The following CTNNA3 variants were observed in gnomAD, a reference collection of about 807,000 sequenced individuals.
CTNNA3 encodes the protein catenin alpha-3.
A neutral mutation model predicts 95.7 loss-of-function variants in CTNNA3; 76 were observed. The observed-to-expected ratio is 0.79, with a 90% CI of 0.66 to 0.96. The LOEUF is 0.96. Ranked by LOEUF, CTNNA3 falls within the 40% of genes least tolerant of loss-of-function variation. The probability of loss-of-function intolerance (pLI) is 0.00; values close to 1 mark genes in which losing one functional copy is unlikely to be tolerated. For synonymous variants in CTNNA3, 431 were observed against 374.4 expected (o/e 1.15, Z -1.74); for missense variants, 1,191 against 1,089.8 (o/e 1.09, Z -1.31).
intron 13 of CTNNA3, among the ~76,000 whole-genome samples, chr10:66,229,563 G>T (rs2089482785): frequency 6.6e-6 from 1 of 151,618 alleles, no homozygotes; most frequent in South Asian, 2.1e-4. Context: ...TTCTCTCTTG[G>T]CCTGTAAGGT....
rs113466077 is a variant in CTNNA3, at chr10:67,153,588, G to C, written c.1047+26729C>G. On this transcript the variant is annotated intron_variant, in intron 7 of 17. Transcript: ENST00000433211. ...AAATTCAGAGTTCTCCGACAGCAGC[G>C]ATCTTTCTAACCTCCACTTTGTCAA... 1.7e-3 allele frequency among the ~76,000 whole-genome samples: 260 copies of C among 152,294 alleles called. 1 individual carries two copies. The highest frequency in any genetic ancestry group is 5.3e-3 in the African/African-American group (220 of 41,560).
rs377476194 is a variant in CTNNA3, at chr10:67,675,413, G to A, written c.-6+20587C>T. On this transcript the variant is annotated intron_variant, in intron 1 of 17. Transcript: ENST00000433211. Reference sequence around the variant, plus strand: ...TTAGCTTGCCCCAGGCTATAGTTTTGGGATCCAGATCTGCTCCACATTTTT... The same window carrying A: ...TTAGCTTGCCCCAGGCTATAGTTTTAGGATCCAGATCTGCTCCACATTTTT... Among the ~76,000 whole-genome samples, 7 of 152,150 alleles carry A rather than the reference G, an allele frequency of 4.6e-5. No homozygotes were observed. The South Asian group carries it at 6.2e-4, about 14-fold the overall frequency.
intron 12 of CTNNA3, among the ~76,000 whole-genome samples, chr10:66,283,354 G>A (rs935796088): frequency 7.2e-5 from 11 of 151,738 alleles, no homozygotes; most frequent in Non-Finnish European, 2.9e-5. Context: ...CCAAACAAGT[G>A]TGCAATACAG....
intron 13 of CTNNA3, among the ~76,000 whole-genome samples, chr10:66,178,108 T>G (rs1227148552): frequency 6.6e-6 from 1 of 151,662 alleles, no homozygotes; most frequent in Non-Finnish European, 1.5e-5. Flanking sequence ...TACCTGATTT[T>G]GAATCCTTTT....
chr10:66,658,796 C>T (rs1022380268), intron 9 of CTNNA3, among the ~76,000 whole-genome samples: 8 of 152,120 alleles, frequency 5.3e-5, no homozygotes, highest in African/African-American at 1.4e-4. Context: ...CGGGTTCAAG[C>T]GATCCTCACA....
intron 10 of CTNNA3, among the ~76,000 whole-genome samples, chr10:66,551,563 T>C (rs980330054): frequency 5.9e-5 from 9 of 152,148 alleles, no homozygotes; most frequent in Admixed American, 3.3e-4. Context: ...CACTCTCTTG[T>C]TTCTTGTATT....
At chr10:66,930,695 T>C (rs1847329295) in intron 7 of CTNNA3, among the ~76,000 whole-genome samples, 1 of 152,146 alleles carries the variant, frequency 6.6e-6, no homozygotes, top group Non-Finnish European at 1.5e-5. Context: ...TGAAAAGCAT[T>C]CCTAAAATTC....
At chr10:67,482,159 G>A (rs1848258912) in intron 5 of CTNNA3, among the ~76,000 whole-genome samples, 1 of 150,312 alleles carries the variant, frequency 6.7e-6, no homozygotes, top group African/African-American at 2.4e-5. Context: ...TAGCCTTGTA[G>A]TATAGTTTGA....
chr10:66,707,243 C>T (rs1564631170), intron 9 of CTNNA3, among the ~76,000 whole-genome samples: 1 of 151,932 alleles, frequency 6.6e-6, no homozygotes, highest in Non-Finnish European at 1.5e-5. Flanking sequence ...TTATTAATAT[C>T]TATAAAAGCT....
At chr10:67,084,155 T>C (rs2131888062) in intron 7 of CTNNA3, among the ~76,000 whole-genome samples, 1 of 152,244 alleles carries the variant, frequency 6.6e-6, no homozygotes, top group South Asian at 2.1e-4. Context: ...CACTTTTAAC[T>C]TGGTATTCAT....
intron 13 of CTNNA3, among the ~76,000 whole-genome samples, chr10:66,161,837 A>C (rs920022043): frequency 7.9e-5 from 12 of 152,122 alleles, no homozygotes; most frequent in Admixed American, 6.5e-4. Context: ...AACACTGATT[A>C]TTCTTAGGTT....
At chr10:67,189,127 A>AAAC (rs370475601) in intron 6 of CTNNA3, among the ~76,000 whole-genome samples, 27 of 130,286 alleles carry the variant, frequency 2.1e-4, no homozygotes, top group African/African-American at 5.7e-4. Context: ...ACAAACAAAC[A>AAAC]AACAACAACA....
At chr10:66,052,667 A>AATCT (rs2079983880) in intron 15 of CTNNA3, among the ~76,000 whole-genome samples, 1 of 152,142 alleles carries the variant, frequency 6.6e-6, no homozygotes, top group Non-Finnish European at 1.5e-5. Flanking sequence ...TGAGTTCCAC[A>AATCT]ATCTGAAGAC....
At chr10:67,382,536 AATTGTT>A (rs1843986627) in intron 5 of CTNNA3, among the ~76,000 whole-genome samples, 1 of 152,190 alleles carries the variant, frequency 6.6e-6, no homozygotes, top group Admixed American at 6.5e-5. Flanking sequence ...AGGTTTCATT[AATTGTT>A]ATGATCTTCT....
intron 11 of CTNNA3, among the ~76,000 whole-genome samples, chr10:66,456,767 G>C (rs1268113184): frequency 6.6e-6 from 1 of 152,080 alleles, no homozygotes; most frequent in Non-Finnish European, 1.5e-5. Context: ...AAAACATTAT[G>C]ATGTAAATAT....
At chr10:67,672,618 T>C (rs1268692213) in intron 1 of CTNNA3, among the ~76,000 whole-genome samples, 1 of 152,206 alleles carries the variant, frequency 6.6e-6, no homozygotes, top group Admixed American at 6.5e-5. Context: ...AAAAAGGGTA[T>C]CCTTTCCCCA....
intron 17 of CTNNA3, among the ~76,000 whole-genome samples, chr10:65,958,939 A>T (rs2077786357): frequency 6.6e-6 from 1 of 152,224 alleles, no homozygotes; most frequent in African/African-American, 2.4e-5. Context: ...GGGACGTTTA[A>T]GTCTGCAGAA....
At chr10:67,377,658 T>A (rs1456754661) in intron 5 of CTNNA3, among the ~76,000 whole-genome samples, 1 of 152,110 alleles carries the variant, frequency 6.6e-6, no homozygotes, top group Non-Finnish European at 1.5e-5. Context: ...TGACATATAA[T>A]AATTATATAC....
chr10:66,784,101 G>A (rs1248104924), intron 7 of CTNNA3, among the ~76,000 whole-genome samples: 1 of 152,086 alleles, frequency 6.6e-6, no homozygotes, highest in Non-Finnish European at 1.5e-5. Context: ...TTGCAGACAT[G>A]TTTATTTTTA....
Sources: allele counts gnomAD v4.1 joint callset (sites outside exome capture counted in the v4.1 genomes callset), GRCh38; gene constraint gnomAD v4.1.1; transcripts MANE v1.5; gene names NCBI Gene and HGNC (gene_info 2026-07-23, HGNC 2026-07-21).